EFCAB5: variants seen among roughly 807,000 people sequenced by gnomAD.
EFCAB5 encodes the protein EF-hand calcium binding domain 5.
In EFCAB5, 131 loss-of-function variants were observed where a neutral mutation model predicts 167.9. The ratio of observed to expected loss-of-function variants is 0.78; its 90% CI spans 0.68 to 0.90. The LOEUF is 0.90. Ranked by LOEUF, EFCAB5 falls within the 40% of genes least tolerant of loss-of-function variation. The pLI is 0.00. For synonymous variants in EFCAB5, 574 were observed against 602.8 expected (o/e 0.95, Z 0.70); for missense variants, 1,663 against 1,745.2 (o/e 0.95, Z 0.84).
intron 4 of EFCAB5, 26 bp from the exon 5 acceptor site, chr17:29,993,139 A>G (rs377719480): frequency 1.3e-5 from 21 of 1,571,136 alleles, no homozygotes; most frequent in African/African-American, 4.1e-5. Flanking sequence ...TTAACTCAAC[A>G]TGTTTTCTAT....
At position 30,080,193 on chromosome 17, in the gene EFCAB5, C is replaced by T. The variant is rs763872976; in HGVS notation, c.3149C>T (p.Ala1050Val). ...AATGTGGCTTGTACCTTAGATGATG[C>T]TCAATTTGTACTGAACAGAGTGCTC... Reference protein sequence around the residue: ...LRNVACTLDDAQFVLNRVLYR... With the variant: ...LRNVACTLDDVQFVLNRVLYR... Residue 1050 changes from alanine (A) to valine (V), a missense_variant, in exon 16 of 23, where the codon GCT (alanine) becomes GTT (valine). Transcript: ENST00000394835. The T allele has an allele frequency of 1.2e-6, 2 of 1,613,414 alleles. No homozygotes were observed. The highest frequency in any genetic ancestry group is 1.3e-5 in the African/African-American group (1 of 74,996).
chr17:29,952,441 T>TA (rs1333700989), intron 3 of EFCAB5, among the ~76,000 whole-genome samples: 9 of 152,142 alleles, frequency 5.9e-5, no homozygotes, highest in Non-Finnish European at 1.3e-4. Flanking sequence ...CAAAGAGACA[T>TA]ATGCAATACT....
intron 4 of EFCAB5, among the ~76,000 whole-genome samples, chr17:29,975,530 T>C (rs920776657): frequency 6.6e-6 from 1 of 152,334 alleles, no homozygotes; most frequent in East Asian, 1.9e-4. Flanking sequence ...GTGCTGGAAT[T>C]ACAGGCGTGA....
chr17:29,946,647 G>T (rs1167772578), intron 3 of EFCAB5, among the ~76,000 whole-genome samples: 3 of 151,510 alleles, frequency 2.0e-5, no homozygotes, highest in East Asian at 3.9e-4. Flanking sequence ...ACCATGTTGG[G>T]CAGGATGGTC....
chr17:29,962,663 C>T (rs969755912), intron 3 of EFCAB5, among the ~76,000 whole-genome samples: 6 of 139,272 alleles, frequency 4.3e-5, no homozygotes, highest in East Asian at 2.2e-4. Context: ...GACAGGGTCT[C>T]GGTATGTTGC....
At chr17:30,087,204 C>A in intron 19 of EFCAB5, 38 bp downstream of exon 19, 1 of 1,554,638 alleles carries the variant, frequency 6.4e-7, no homozygotes, top group Non-Finnish European at 8.9e-7. Flanking sequence ...TGCTAGAACA[C>A]ATCCTTCTGG....
chr17:29,979,017 A>G (rs2068117493), intron 4 of EFCAB5, among the ~76,000 whole-genome samples: 1 of 152,092 alleles, frequency 6.6e-6, no homozygotes. Context: ...TGCTTTTCCA[A>G]AAAGGTGGCT....
rs148858206 is a variant in EFCAB5, at chr17:29,974,636, T to G, written c.767+5269T>G. 3.2e-3 allele frequency among the ~76,000 whole-genome samples: 493 copies of G among 152,302 alleles called. 2 individuals carry two copies. Among genetic ancestry groups the G allele is most frequent in the Non-Finnish European group, 5.4e-3 (364 of 68,026 alleles). On this transcript the variant is annotated intron_variant, in intron 4 of 22. Transcript: ENST00000394835. Reference sequence around the variant, plus strand: ...AAAAAACAGGGATTAAATCCCTTTATGCTGGAGATAATCCTTTTTAACCAT... The same window carrying G: ...AAAAAACAGGGATTAAATCCCTTTAGGCTGGAGATAATCCTTTTTAACCAT...
At chr17:30,089,233 G>C (rs1052984500) in intron 19 of EFCAB5, among the ~76,000 whole-genome samples, 3 of 152,044 alleles carry the variant, frequency 2.0e-5, no homozygotes, top group Admixed American at 1.3e-4. Flanking sequence ...GTCTTTGGAG[G>C]AAGTCAGTTG....
rs959723874 is a variant in EFCAB5, at chr17:30,090,680, G to A, written c.3937+6G>A. 26 of 1,606,364 alleles carry A rather than the reference G, an allele frequency of 1.6e-5. No homozygotes were observed. Among genetic ancestry groups the A allele is most frequent in the Admixed American group, 5.1e-5 (3 of 59,126 alleles). Reference sequence around the variant, plus strand: ...AAAGAAAAAATATATCTTAGGTATCGTTCATGTGGCATCAGTCTAAATTCA... The same window carrying A: ...AAAGAAAAAATATATCTTAGGTATCATTCATGTGGCATCAGTCTAAATTCA... On this transcript the variant is annotated splice_donor_region_variant and intron_variant, in intron 20 of 22. Transcript: ENST00000394835.
At chr17:30,064,594 A>C (rs779723235) in intron 14 of EFCAB5, among the ~76,000 whole-genome samples, 37 of 152,156 alleles carry the variant, frequency 2.4e-4, no homozygotes, top group Non-Finnish European at 4.6e-4. Context: ...GATGTTGAAA[A>C]CCTATTTAAC....
chr17:30,060,326 A>T (rs1406955913), intron 14 of EFCAB5, among the ~76,000 whole-genome samples: 1 of 151,880 alleles, frequency 6.6e-6, no homozygotes, highest in African/African-American at 2.4e-5. Flanking sequence ...TGGCTTGCAA[A>T]TTTCTTCTTC....
chr17:30,090,201 C>T (rs1350004489), intron 19 of EFCAB5, among the ~76,000 whole-genome samples: 4 of 152,170 alleles, frequency 2.6e-5, no homozygotes, highest in African/African-American at 4.8e-5. Flanking sequence ...TGGTCAGGGA[C>T]GCCTTCTCTG....
At chr17:30,055,582 T>C (rs966067902) in intron 10 of EFCAB5, among the ~76,000 whole-genome samples, 12 of 152,164 alleles carry the variant, frequency 7.9e-5, no homozygotes, top group Non-Finnish European at 1.5e-4. Flanking sequence ...TCTTGGAACA[T>C]ATCCTGCCAA....
intron 5 of EFCAB5, among the ~76,000 whole-genome samples, chr17:29,995,752 A>ATT (rs748845934): frequency 4.6e-5 from 7 of 152,078 alleles, no homozygotes; most frequent in Non-Finnish European, 7.4e-5. Context: ...GAGCAAGATG[A>ATT]TTTTTTTCTT....
At chr17:30,066,743 AAGAT>A (rs2151810367) in intron 14 of EFCAB5, among the ~76,000 whole-genome samples, 2 of 152,304 alleles carry the variant, frequency 1.3e-5, no homozygotes, top group South Asian at 4.1e-4. Flanking sequence ...GGTTTTGTAA[AAGAT>A]AAACCATATT....
Position 29,999,916 on chromosome 17 carries a change from C to A in EFCAB5, c.984C>A (p.Cys328Ter). 1 of 1,582,666 alleles carries A rather than the reference C, an allele frequency of 6.3e-7. No individual in the cohort carries two copies. The highest frequency in any genetic ancestry group is 1.2e-5 in the South Asian group (1 of 85,972). ...QNPDFKLGSH[C>*]KQLDITDSTE... Reference sequence around the variant, plus strand: ...TCATTCCATAAATAGGATCACACTGCAAACAACTGGATATTACTGACTCAA... The same window carrying A: ...TCATTCCATAAATAGGATCACACTGAAAACAACTGGATATTACTGACTCAA... The change falls in exon 7 of 23, where the codon TGC becomes TGA. Residue 328 changes from cysteine to a stop codon, truncating the protein, a stop_gained. Transcript: ENST00000394835. LOFTEE classifies it high-confidence loss of function.
rs763099868 is a variant in EFCAB5 at position 29,999,954 on chromosome 17, T to G, written c.1022T>G (p.Leu341Trp). The G allele has an allele frequency of 2.5e-6, 4 of 1,579,030 alleles. No individual in the cohort carries two copies. The South Asian group carries it at 4.7e-5, about 18-fold the overall frequency. ...LDITDSTEPR[L>W]NKMEFTEYIS... ...ATTACTGACTCAACAGAACCAAGAT[T>G]GAACAAAATGGAATTTACAGAAGTA... Residue 341 changes from leucine (L) to tryptophan (W), a missense_variant, in exon 7 of 23, where the codon TTG becomes TGG. Coordinates refer to ENST00000394835, the MANE Select transcript of EFCAB5 (RefSeq NM_198529.4).
intron 7 of EFCAB5, among the ~76,000 whole-genome samples, chr17:30,003,395 A>G (rs1022976179): frequency 6.6e-6 from 1 of 151,814 alleles, no homozygotes; most frequent in African/African-American, 2.4e-5. Flanking sequence ...ACCACCATAT[A>G]AGGCTAAATT....
Sources: gnomAD v4.1 joint callset for allele counts (sites outside exome capture counted in the v4.1 genomes callset) on GRCh38, gnomAD v4.1.1 for gene constraint, MANE v1.5 for transcripts, NCBI Gene and HGNC (gene_info 2026-07-23, HGNC 2026-07-21) for gene names.